Variants in VRK2 observed in about 807,000 individuals in gnomAD.
VRK2 encodes the protein serine/threonine-protein kinase VRK2.
Under a neutral mutation model 57.6 loss-of-function variants are expected in VRK2, and 60 were observed. That is an observed-to-expected ratio of 1.04 (90% CI 0.85 to 1.29). The LOEUF (loss-of-function observed/expected upper bound fraction) is 1.29, where lower values mean the gene tolerates loss of function less well. Among genes scored for constraint, VRK2 ranks in the 50% most tolerant of loss-of-function variants. The probability of loss-of-function intolerance (pLI) is 0.00; values close to 1 mark genes in which losing one functional copy is unlikely to be tolerated. For synonymous variants in VRK2, 231 were observed against 199.2 expected (o/e 1.16, Z -1.35); for missense variants, 705 against 588.1 (o/e 1.20, Z -2.06).
chr2:58,078,970 G>T (rs1484804632), intron 2 of VRK2, among the ~76,000 whole-genome samples: 3 of 152,122 alleles, frequency 2.0e-5, no homozygotes, highest in African/African-American at 4.8e-5. Flanking sequence ...ACTGCACTGA[G>T]CTGATTTTGC....
intron 7 of VRK2, among the ~76,000 whole-genome samples, chr2:58,109,620 A>T (rs1472100511): frequency 4.6e-5 from 7 of 152,172 alleles, no homozygotes. Flanking sequence ...CCCCTTATAA[A>T]ACCATCAGAT....
At chr2:57,914,979 A>G (rs1037877915) in intron 1 of VRK2, among the ~76,000 whole-genome samples, 3 of 152,126 alleles carry the variant, frequency 2.0e-5, no homozygotes, top group African/African-American at 4.8e-5. Flanking sequence ...ACTGTTGATT[A>G]TTTTGATTTC....
chr2:58,011,557 G>A (rs1673419368), intron 1 of VRK2, among the ~76,000 whole-genome samples: 1 of 151,998 alleles, frequency 6.6e-6, no homozygotes, highest in African/African-American at 2.4e-5. Context: ...AGTTGTGTCT[G>A]GTGTGCTTTT....
At chr2:57,949,037 T>C (rs1002823894) in intron 1 of VRK2, among the ~76,000 whole-genome samples, 10 of 103,722 alleles carry the variant, frequency 9.6e-5, no homozygotes, top group African/African-American at 4.4e-4. Flanking sequence ...ATTATGAAAG[T>C]AAAATTGCAA....
chr2:57,940,455 A>C (rs1340350082), intron 1 of VRK2, among the ~76,000 whole-genome samples: 4 of 152,164 alleles, frequency 2.6e-5, no homozygotes, highest in Non-Finnish European at 5.9e-5. Context: ...TAAAGTGTTA[A>C]TCTTATCTGG....
intron 1 of VRK2, among the ~76,000 whole-genome samples, chr2:57,983,534 T>A (rs548119699): frequency 1.1e-4 from 16 of 152,254 alleles, no homozygotes; most frequent in African/African-American, 3.9e-4. Flanking sequence ...CATATAAGTA[T>A]AAAGAAAATG....
At chr2:58,110,084 G>C (rs1675336407) in intron 7 of VRK2, among the ~76,000 whole-genome samples, 1 of 152,150 alleles carries the variant, frequency 6.6e-6, no homozygotes, top group African/African-American at 2.4e-5. Flanking sequence ...GAAATAGGAA[G>C]GTGATCTGGC....
At chr2:57,993,251 C>G (rs895849939) in intron 1 of VRK2, among the ~76,000 whole-genome samples, 2 of 152,064 alleles carry the variant, frequency 1.3e-5, no homozygotes, top group South Asian at 4.1e-4. Context: ...AGACAGGTTC[C>G]AGTACTGTAA....
At chr2:57,956,764 C>A (rs1262676910) in intron 1 of VRK2, among the ~76,000 whole-genome samples, 1 of 152,122 alleles carries the variant, frequency 6.6e-6, no homozygotes, top group Non-Finnish European at 1.5e-5. Context: ...TAAGAATATT[C>A]TTGATATTTT....
chr2:57,958,574 T>A (rs910209834), intron 1 of VRK2, among the ~76,000 whole-genome samples: 1 of 151,974 alleles, frequency 6.6e-6, no homozygotes, highest in African/African-American at 2.4e-5. Flanking sequence ...TTATTAAAAA[T>A]AATAACCGAT....
chr2:58,008,430 G>C (rs940921640), intron 1 of VRK2, among the ~76,000 whole-genome samples: 9 of 151,894 alleles, frequency 5.9e-5, no homozygotes, highest in Admixed American at 2.6e-4. Flanking sequence ...CACAATAATA[G>C]CTACTGTTTA....
At chr2:57,910,616 T>G (rs553250211) in intron 1 of VRK2, among the ~76,000 whole-genome samples, 1 of 152,292 alleles carries the variant, frequency 6.6e-6, no homozygotes, top group African/African-American at 2.4e-5. Context: ...TTCTTTATAA[T>G]GTTGCCAACC....
At chr2:58,041,166 C>T in intron 3 of VRK2, 2 of 667,828 alleles carry the variant, frequency 3.0e-6, no homozygotes, top group Non-Finnish European at 3.7e-6. Flanking sequence ...AATCATACCA[C>T]TTTTGGCTAG....
intron 1 of VRK2, among the ~76,000 whole-genome samples, chr2:58,016,432 C>T (rs112016302): frequency 0.12 from 18,271 of 152,124 alleles, 1,487 homozygotes; most frequent in African/African-American, 0.22. Context: ...CTGCAACCTC[C>T]GCCTCCCAGG....
At chr2:57,944,573 A>G (rs146154616) in intron 1 of VRK2, among the ~76,000 whole-genome samples, 7,262 of 152,262 alleles carry the variant, frequency 0.048, 227 homozygotes, top group South Asian at 0.11. Context: ...CGTCTCTACT[A>G]AAAATACAAA....
chr2:58,062,378 T>A lies in VRK2; in HGVS notation c.136+13411T>A, dbSNP rs561004221. ...GCCAATTAATAACCCTAACGTGGCC[T>A]TTAAGTATTCAAGTGAAAGAAAGAG... On this transcript the variant is annotated intron_variant, in intron 2 of 12. Transcript: ENST00000340157. Among the ~76,000 whole-genome samples the A allele has an allele frequency of 1.2e-4, 18 of 152,162 alleles. 1 individual carries two copies. In the South Asian group the frequency reaches 3.7e-3, roughly 32 times the overall value.
chr2:58,159,533 C>T lies in VRK2; in HGVS notation c.1367C>T (p.Thr456Ile), dbSNP rs1015035479. 5.6e-6 allele frequency: 9 copies of T among 1,613,688 alleles called. No homozygotes were observed. In the Admixed American group the frequency reaches 1.3e-4, roughly 24 times the overall value. ...CCATCTTGGTATAAATACACTTCCA[C>T]AGTCAGCACGGGGATCACAGACTTA... Reference protein sequence around the residue: ...RSPSWYKYTSTVSTGITDLES... With the variant: ...RSPSWYKYTSIVSTGITDLES... Residue 456 changes from threonine (T) to isoleucine (I), a missense_variant, in exon 13 of 13, where the codon ACA (threonine) becomes ATA (isoleucine). Thr to Ile is a moderately conservative substitution (Grantham distance 89). Transcript: ENST00000340157.
intron 1 of VRK2, among the ~76,000 whole-genome samples, chr2:57,916,316 G>A (rs892603917): frequency 1.3e-5 from 2 of 150,728 alleles, no homozygotes; most frequent in Admixed American, 1.3e-4. Context: ...TGAGGCAGGA[G>A]AATCGCTTGA....
intron 1 of VRK2, among the ~76,000 whole-genome samples, chr2:57,935,490 C>T (rs1004885895): frequency 1.3e-5 from 2 of 152,110 alleles, no homozygotes; most frequent in African/African-American, 4.8e-5. Context: ...GAGATGCTTG[C>T]TTTTCCTATC....
Sources: allele counts gnomAD v4.1 joint callset (sites outside exome capture counted in the v4.1 genomes callset), GRCh38; gene constraint gnomAD v4.1.1; transcripts MANE v1.5; gene names NCBI Gene and HGNC (gene_info 2026-07-23, HGNC 2026-07-21).